Variants in B3GLCT observed in about 807,000 individuals in gnomAD.
The protein encoded by B3GLCT is beta 3-glucosyltransferase.
B3GLCT carries 65 observed loss-of-function variants against 63.4 expected under a neutral mutation model. The observed-to-expected ratio is 1.03, with a 90% CI of 0.84 to 1.26. The LOEUF (loss-of-function observed/expected upper bound fraction) is 1.26, where lower values mean the gene tolerates loss of function less well. Among genes scored for constraint, B3GLCT ranks in the 50% most tolerant of loss-of-function variants. The pLI, the probability that B3GLCT is intolerant of heterozygous loss-of-function variation, is 0.00. For synonymous variants in B3GLCT, 233 were observed against 219.2 expected (o/e 1.06, Z -0.55); for missense variants, 577 against 604.8 (o/e 0.95, Z 0.48).
chr13:31,223,392 G>A (rs1869924135), intron 3 of B3GLCT, among the ~76,000 whole-genome samples: 1 of 152,116 alleles, frequency 6.6e-6, no homozygotes, highest in Admixed American at 6.5e-5. Context: ...AGGCCGTCCG[G>A]GAGCAGGCTG....
chr13:31,239,217 A>T (rs1473470424), intron 4 of B3GLCT, among the ~76,000 whole-genome samples: 1 of 152,066 alleles, frequency 6.6e-6, no homozygotes, highest in Non-Finnish European at 1.5e-5. Flanking sequence ...GAGAGTGGGG[A>T]TGTGGCTGAT....
chr13:31,202,513 AC>A (rs1438774512), intron 1 of B3GLCT, among the ~76,000 whole-genome samples: 1 of 151,990 alleles, frequency 6.6e-6, no homozygotes, highest in African/African-American at 2.4e-5. Flanking sequence ...CTGCGAAGTA[AC>A]CCTTTAGCCC....
At chr13:31,280,880 G>T (rs145380824) in intron 10 of B3GLCT, among the ~76,000 whole-genome samples, 9 of 152,266 alleles carry the variant, frequency 5.9e-5, no homozygotes, top group Non-Finnish European at 1.2e-4. Context: ...CCTCTGAGAG[G>T]CAAGCATTTA....
intron 14 of B3GLCT, among the ~76,000 whole-genome samples, chr13:31,326,398 C>T (rs756152548): frequency 1.9e-4 from 28 of 151,160 alleles, no homozygotes; most frequent in Non-Finnish European, 3.5e-4. Flanking sequence ...ATTCTCCTGC[C>T]TCAGCCTCCC....
At chr13:31,217,341 A>G (rs1040183957) in intron 2 of B3GLCT, among the ~76,000 whole-genome samples, 2 of 152,282 alleles carry the variant, frequency 1.3e-5, no homozygotes, top group Non-Finnish European at 2.9e-5. Context: ...GATTCTGGAT[A>G]TTAGCCCTTT....
chr13:31,296,561 T>C (rs148367497), intron 12 of B3GLCT, among the ~76,000 whole-genome samples: 12 of 152,332 alleles, frequency 7.9e-5, no homozygotes, highest in African/African-American at 2.6e-4. Context: ...GATTTCAACA[T>C]ATGATAAAAT....
chr13:31,285,840 T>G, intron 11 of B3GLCT, among the ~76,000 whole-genome samples: 1 of 152,174 alleles, frequency 6.6e-6, no homozygotes, highest in Non-Finnish European at 1.5e-5. Context: ...TAATCATGTA[T>G]TTACTTATAC....
chr13:31,222,875 C>T, intron 2 of B3GLCT, 77 bp from the exon 3 acceptor site: 1 of 948,520 alleles, frequency 1.1e-6, no homozygotes, highest in Admixed American at 1.7e-5. Flanking sequence ...TACCATGCAC[C>T]ATGCATGTTT....
chr13:31,296,560 A>T (rs1399477218), intron 12 of B3GLCT, among the ~76,000 whole-genome samples: 3 of 152,242 alleles, frequency 2.0e-5, no homozygotes, highest in Admixed American at 2.0e-4. Context: ...AGATTTCAAC[A>T]TATGATAAAA....
intron 6 of B3GLCT, among the ~76,000 whole-genome samples, chr13:31,253,677 A>G (rs554691929): frequency 7.2e-5 from 11 of 151,878 alleles, no homozygotes; most frequent in African/African-American, 2.7e-4. Flanking sequence ...GAAATAACTA[A>G]GATCAGAGCA....
At chr13:31,294,395 T>C (rs1343213910) in intron 12 of B3GLCT, among the ~76,000 whole-genome samples, 2 of 152,246 alleles carry the variant, frequency 1.3e-5, no homozygotes, top group Admixed American at 6.5e-5. Flanking sequence ...GATAATATCC[T>C]GAAGAGTGTT....
intron 14 of B3GLCT, among the ~76,000 whole-genome samples, chr13:31,326,162 A>T (rs892049194): frequency 1.3e-5 from 2 of 152,096 alleles, no homozygotes; most frequent in Non-Finnish European, 2.9e-5. Context: ...CAGTTATAGA[A>T]AGGCACTTGT....
intron 1 of B3GLCT, among the ~76,000 whole-genome samples, chr13:31,201,281 G>C (rs563305347): frequency 2.0e-5 from 3 of 152,326 alleles, no homozygotes; most frequent in Non-Finnish European, 4.4e-5. Context: ...TAAGCTCTCT[G>C]AATAAGGATT....
intron 6 of B3GLCT, among the ~76,000 whole-genome samples, chr13:31,251,964 GA>G (rs150160032): frequency 0.048 from 7,249 of 152,270 alleles, 182 homozygotes; most frequent in East Asian, 0.052. Context: ...AGGGCAGCCA[GA>G]GGGAAAGTCC....
intron 2 of B3GLCT, among the ~76,000 whole-genome samples, chr13:31,218,930 C>CTTTTTTTTTTTTTTTTTTTTTTTT (rs34965262): frequency 1.4e-5 from 2 of 144,276 alleles, no homozygotes; most frequent in Non-Finnish European, 3.0e-5. Context: ...ATCAGAAGCC[C>CTTTTTTTTTTTTTTTTTTTTTTTT]TTTTTTTTTT....
rs551660642 is a variant in B3GLCT at position 31,318,181 on chromosome 13, C to T, written c.1184+496C>T. On this transcript the variant is annotated intron_variant, in intron 13 of 14. Transcript: ENST00000343307. The stretch of plus-strand genomic sequence containing the variant: ...AATGAAGCATCTGCCTAATCTCATA[C>T]GAAGAAAGATTTTAACTTGATTTAT... 2.1e-3 allele frequency among the ~76,000 whole-genome samples: 318 copies of T among 152,186 alleles called. 6 individuals are homozygous for T. The highest frequency in any genetic ancestry group is 0.019 in the Admixed American group (296 of 15,290).
chr13:31,238,836 T>C (rs1157393140), intron 4 of B3GLCT, among the ~76,000 whole-genome samples: 1 of 152,192 alleles, frequency 6.6e-6, no homozygotes, highest in African/African-American at 2.4e-5. Context: ...TATTAGTCAT[T>C]TTTGAATGCA....
intron 14 of B3GLCT, among the ~76,000 whole-genome samples, chr13:31,326,275 C>CTTTT (rs11415456): frequency 2.8e-4 from 21 of 75,868 alleles, no homozygotes; most frequent in Non-Finnish European, 3.2e-4. Flanking sequence ...AGGTCTTTCC[C>CTTTT]TTTTTTTTTT....
chr13:31,329,120 T>TA (rs1875785445), intron 14 of B3GLCT, among the ~76,000 whole-genome samples: 1 of 152,180 alleles, frequency 6.6e-6, no homozygotes, highest in Admixed American at 6.5e-5. Context: ...ACAACAAACT[T>TA]ACGGCCAGTT....
Sources: allele counts gnomAD v4.1 joint callset (sites outside exome capture counted in the v4.1 genomes callset), GRCh38; gene constraint gnomAD v4.1.1; transcripts MANE v1.5; gene names NCBI Gene and HGNC (gene_info 2026-07-23, HGNC 2026-07-21).